The following NBEAL2 variants were observed in gnomAD, a reference collection of about 807,000 sequenced individuals.
NBEAL2 encodes the protein neurobeachin like 2.
In NBEAL2, 160 loss-of-function variants were observed where a neutral mutation model predicts 299.8. The observed-to-expected ratio is 0.53, with a 90% confidence interval of 0.47 to 0.61. The LOEUF is 0.61. Ranked by LOEUF, NBEAL2 falls within the 20% of genes least tolerant of loss-of-function variation. NBEAL2 has a pLI of 0.00. For missense variants in NBEAL2, 3,112 were observed against 3,649.0 expected, an observed-to-expected ratio of 0.85 and a Z score of 3.79; for synonymous variants, 1,493 against 1,542.3, an observed-to-expected ratio of 0.97 and a Z score of 0.75.
Position 46,988,570 on chromosome 3 carries a change from C to T in NBEAL2, c.52-99C>T, listed in dbSNP as rs567300415. The T allele has an allele frequency of 5.8e-6, 6 of 1,036,972 alleles. No homozygotes were observed. The highest frequency in any genetic ancestry group is 5.3e-5 in the Admixed American group (3 of 56,304). The allele number at this position is 1,036,972 out of a possible 1,614,324, so 64.2% of individuals were successfully genotyped here. On this transcript the variant is annotated intron_variant, in intron 1 of 53. Coordinates refer to ENST00000450053, the MANE Select transcript of NBEAL2 (RefSeq NM_015175.3). The surrounding 1 kb of genome is among the most constrained non-coding windows in gnomAD (Gnocchi z 4.4). ...ACCCCTTGTCCATGCCCTCTGTCCACCTCCATTCATTCTTCGCCTCTGTCT... is the reference window on the plus strand; with the variant it reads ...ACCCCTTGTCCATGCCCTCTGTCCATCTCCATTCATTCTTCGCCTCTGTCT...
intron 26 of NBEAL2, 56 bp downstream of exon 26, chr3:46,999,771 G>A: frequency 6.3e-7 from 1 of 1,591,846 alleles, no homozygotes; most frequent in Non-Finnish European, 8.6e-7. Context: ...CTACCCTCTG[G>A]CCTTCCACCT....
rs772862751 is a variant in NBEAL2, at chr3:47,000,017, C to T, written c.3918C>T (p.Ser1306=). 5 of 1,612,738 alleles carry T rather than the reference C, an allele frequency of 3.1e-6. No individual in the cohort carries two copies. The East Asian group carries it at 1.1e-4, about 36-fold the overall frequency. Residue 1306 remains serine (S), a synonymous_variant, in exon 27 of 54, where the codon TCC becomes TCT. Transcript: ENST00000450053. This position sits in a 1 kb window ranked among gnomAD's most constrained non-coding sequence, Gnocchi z 4.5. Reference sequence around the variant, plus strand: ...CAGCCGGCAGCCCCCCTCCGTCTTCCCCAGAGTCACCTACCTCCCCCAAGC... The same window carrying T: ...CAGCCGGCAGCCCCCCTCCGTCTTCTCCAGAGTCACCTACCTCCCCCAAGC... ...AATAGSPPPS[S]PESPTSPKPA...
Position 47,009,650 on chromosome 3 carries a change from A to C in NBEAL2, c.*330A>C. The C allele has an allele frequency of 5.7e-6, 2 of 350,166 alleles. No homozygotes were observed. The highest frequency in any genetic ancestry group is 1.0e-5 in the Non-Finnish European group (2 of 190,978). The allele number at this position is 350,166 out of a possible 1,614,324, so 21.7% of individuals were successfully genotyped here. ...AGGGCCGCCTGTGGCCTTAATTCCT[A>C]ACGGCGGCCCCGGTTCTCCCTTCTC... On this transcript the variant is annotated 3_prime_UTR_variant, in exon 54 of 54. Coordinates refer to ENST00000450053, the MANE Select transcript of NBEAL2 (RefSeq NM_015175.3).
chr3:46,987,970 G>T, intron 1 of NBEAL2: 1 of 1,274,750 alleles, frequency 7.8e-7, no homozygotes, highest in African/African-American at 1.5e-5. Flanking sequence ...CCCCGGGGCG[G>T]GAGGAGACAT....
At chr3:46,981,847 C>G (rs2035368106) in intron 1 of NBEAL2, 1 of 152,354 alleles carries the variant, frequency 6.6e-6, no homozygotes, top group Admixed American at 6.5e-5. Context: ...TCTAGCTGAG[C>G]TCTGTACATG....
intron 24 of NBEAL2, 21 bp from the exon 25 acceptor site, chr3:46,999,294 C>T: frequency 6.3e-7 from 1 of 1,586,576 alleles, no homozygotes; most frequent in South Asian, 1.1e-5. Context: ...TGATGACAGT[C>T]CTCCGATGAC....
chr3:46,992,179 C>T (rs1042013847), intron 9 of NBEAL2, among the ~76,000 whole-genome samples: 1 of 152,128 alleles, frequency 6.6e-6, no homozygotes, highest in Non-Finnish European at 1.5e-5. Flanking sequence ...CCCATGGAAG[C>T]GGGGCTTGTT....
At chr3:46,994,100 G>A in intron 11 of NBEAL2, 80 bp downstream of exon 11, 1 of 1,393,064 alleles carries the variant, frequency 7.2e-7, no homozygotes, top group Non-Finnish European at 9.9e-7. Context: ...GGCCTGGCCG[G>A]TGGCCATAAG....
rs2037431136 is a variant in NBEAL2, at chr3:47,006,200, G to A, written c.6955G>A (p.Glu2319Lys). Residue 2319 changes from glutamate to lysine, a missense_variant, in exon 44 of 54, where the codon GAA becomes AAA. Glu to Lys is a moderately conservative substitution (Grantham distance 56, BLOSUM62 1). This residue lies in a region of NBEAL2 where 521 missense variants were observed against 729.6 expected (regional missense o/e 0.71). Coordinates refer to ENST00000450053, the MANE Select transcript of NBEAL2 (RefSeq NM_015175.3). ...CCTGGACCATGTGACAGATGAGCGG[G>A]AACGGAAGGCTCTGGAGGGCATTAT... Reference protein sequence around the residue: ...VDLDHVTDERERKALEGIISN... With the variant: ...VDLDHVTDERKRKALEGIISN... 6.2e-7 allele frequency: 1 copy of A among 1,613,930 alleles called. No homozygotes were observed. Among genetic ancestry groups the A allele is most frequent in the African/African-American group, 1.3e-5 (1 of 75,046 alleles).
chr3:46,995,317 A>G lies in NBEAL2; in HGVS notation c.1582A>G (p.Ile528Val), dbSNP rs774700317. ...ALLQALGRVS[I>V]RPMELRHLLR... Reference sequence around the variant, plus strand: ...GCTACAAGCACTGGGCCGTGTATCAATAAGGCCCATGGAGCTGCGTCACCT... The same window carrying G: ...GCTACAAGCACTGGGCCGTGTATCAGTAAGGCCCATGGAGCTGCGTCACCT... Residue 528 changes from isoleucine (I) to valine (V), a missense_variant, in exon 13 of 54, where the codon ATA (isoleucine) becomes GTA (valine). Coordinates refer to ENST00000450053, the MANE Select transcript of NBEAL2 (RefSeq NM_015175.3). 1.1e-5 allele frequency: 18 copies of G among 1,591,490 alleles called. No homozygotes were observed. The highest frequency in any genetic ancestry group is 5.6e-5 in the South Asian group (5 of 88,516).
rs1300892592 is a variant in NBEAL2, at chr3:47,002,749, C to T, written c.5406C>T (p.His1802=). The T allele has an allele frequency of 2.6e-6, 4 of 1,565,276 alleles. No homozygotes were observed. The highest frequency in any genetic ancestry group is 1.4e-5 in the African/African-American group (1 of 73,820). Reference sequence around the variant, plus strand: ...CGCAGCACTCCATGGCCCTGCTGCACTGGGGGGCGCTGTGGCGCCAGCTCG... The same window carrying T: ...CGCAGCACTCCATGGCCCTGCTGCATTGGGGGGCGCTGTGGCGCCAGCTCG... ...QATQHSMALL[H]WGALWRQLAS... The change falls in exon 33 of 54, where the codon CAC becomes CAT. Residue 1802 remains histidine (H), a synonymous_variant. Transcript: ENST00000450053.
intron 1 of NBEAL2, among the ~76,000 whole-genome samples, chr3:46,984,139 A>AG: frequency 7.4e-5 from 1 of 13,594 alleles, no homozygotes; most frequent in Non-Finnish European, 4.1e-3. Flanking sequence ...TCTCTACTAA[A>AG]AAAAAAAAAA....
chr3:46,998,370 C>G, intron 21 of NBEAL2, 93 bp from the exon 22 acceptor site: 1 of 1,514,002 alleles, frequency 6.6e-7, no homozygotes, highest in Admixed American at 1.9e-5. Context: ...TGACCCTGCC[C>G]TGGAAGTCTG....
At chr3:46,994,295 C>T (rs1022426475) in intron 11 of NBEAL2, among the ~76,000 whole-genome samples, 160 bp from the exon 12 acceptor site, 1 of 152,190 alleles carries the variant, frequency 6.6e-6, no homozygotes, top group Non-Finnish European at 1.5e-5. Flanking sequence ...CACGTCCCCC[C>T]CATCCCTCTG....
intron 26 of NBEAL2, 65 bp downstream of exon 26, chr3:46,999,780 C>T: frequency 6.3e-7 from 1 of 1,591,054 alleles, no homozygotes; most frequent in East Asian, 2.3e-5. Flanking sequence ...GGCCTTCCAC[C>T]TTGCCTGTCT....
At chr3:46,999,826 C>G in intron 26 of NBEAL2, 63 bp from the exon 27 acceptor site, 3 of 1,598,544 alleles carry the variant, frequency 1.9e-6, no homozygotes, top group South Asian at 2.2e-5. Context: ...CTGCAAAGGC[C>G]CTGGATGAGG....
chr3:46,984,990 T>C (rs2035589685), intron 1 of NBEAL2, among the ~76,000 whole-genome samples: 1 of 152,190 alleles, frequency 6.6e-6, no homozygotes, highest in African/African-American at 2.4e-5. Flanking sequence ...AACAAGCTAC[T>C]GAGAGTTAGA....
Position 46,998,774 on chromosome 3 carries a change from C to T in NBEAL2, c.3279C>T (p.Leu1093=), listed in dbSNP as rs548725369. 5.1e-6 allele frequency: 8 copies of T among 1,571,014 alleles called. No individual in the cohort carries two copies. The South Asian group carries it at 5.8e-5, about 11-fold the overall frequency. Residue 1093 remains leucine (L), a synonymous_variant, in exon 23 of 54, where the codon CTC becomes CTT. Transcript: ENST00000450053. ...ADDLRTVQTS[L]LGLAREFLVR... ...ACCTACGCACCGTGCAGACCTCCCTCCTGGGCCTGGCGAGGGAGTTCCTGG... is the reference window on the plus strand; with the variant it reads ...ACCTACGCACCGTGCAGACCTCCCTTCTGGGCCTGGCGAGGGAGTTCCTGG...
At chr3:47,002,564 C>A (rs768954718) in intron 32 of NBEAL2, 44 bp downstream of exon 32, 21 of 1,610,122 alleles carry the variant, frequency 1.3e-5, no homozygotes, top group Non-Finnish European at 1.8e-5. Flanking sequence ...TCCACACATG[C>A]ACCCAGGAGA....
Sources: allele counts gnomAD v4.1 joint callset (sites outside exome capture counted in the v4.1 genomes callset), GRCh38; gene constraint gnomAD v4.1.1; regional missense constraint gnomAD v4.1.1; non-coding constraint Gnocchi (gnomAD v3.1); transcripts MANE v1.5; gene names NCBI Gene and HGNC (gene_info 2026-07-23, HGNC 2026-07-21).